The following DAP variants were observed in gnomAD, a reference collection of about 807,000 sequenced individuals.
The protein encoded by DAP is death associated protein.
DAP carries 8 observed loss-of-function variants against 13.8 expected under a neutral mutation model. That is an observed-to-expected ratio of 0.58 (90% CI 0.34 to 1.05). The LOEUF is 1.05. Among genes scored for constraint, DAP ranks in the 50% least tolerant of loss-of-function variants. The probability of loss-of-function intolerance (pLI) is 0.03; values close to 1 mark genes in which losing one functional copy is unlikely to be tolerated. For synonymous variants in DAP, 47 were observed against 47.5 expected (o/e 0.99, Z 0.04); for missense variants, 106 against 133.2 (o/e 0.80, Z 1.01).
rs1740347891 is a variant in DAP at position 10,761,166 on chromosome 5, C to G, written c.-98G>C. 1.0e-5 allele frequency: 7 copies of G among 681,216 alleles called. No homozygotes were observed. Among genetic ancestry groups the G allele is most frequent in the Admixed American group, 1.0e-4 (2 of 19,094 alleles). 42.2% of individuals were successfully genotyped at this position (681,216 alleles called of 1,614,324 possible). A position where few individuals can be genotyped will look rare whatever the true frequency, so the allele number is the denominator to read the frequency against. ...TCAGGTGTGAGCGCCGGGGAGCGAG[C>G]GGGCGGGAGAACGACGCGCGCGCGT... On this transcript the variant is annotated 5_prime_UTR_variant, in exon 1 of 4. Transcript: ENST00000230895.
At chr5:10,703,220 G>GTAAGC (rs1738622889) in intron 2 of DAP, among the ~76,000 whole-genome samples, 2 of 152,224 alleles carry the variant, frequency 1.3e-5, no homozygotes, top group Non-Finnish European at 2.9e-5. Flanking sequence ...GAGCTTACTT[G>GTAAGC]TTGGGACACA....
intron 2 of DAP, among the ~76,000 whole-genome samples, chr5:10,719,141 C>T (rs942703319): frequency 6.6e-6 from 1 of 152,230 alleles, no homozygotes; most frequent in Non-Finnish European, 1.5e-5. Flanking sequence ...GGACAAGTTG[C>T]TGCATTTGGC....
intron 2 of DAP, among the ~76,000 whole-genome samples, chr5:10,727,647 T>C (rs1437854581): frequency 6.6e-6 from 1 of 152,104 alleles, no homozygotes; most frequent in Non-Finnish European, 1.5e-5. Flanking sequence ...AGTAACAAGA[T>C]GGAAAGGGGA....
At chr5:10,752,392 G>C (rs1740068176) in intron 1 of DAP, among the ~76,000 whole-genome samples, 1 of 152,212 alleles carries the variant, frequency 6.6e-6, no homozygotes. Context: ...TTGTATCACT[G>C]TCTCTAGAAC....
At chr5:10,699,941 C>A (rs1311404225) in intron 2 of DAP, among the ~76,000 whole-genome samples, 1 of 152,220 alleles carries the variant, frequency 6.6e-6, no homozygotes, top group African/African-American at 2.4e-5. Context: ...TCTATGTGCC[C>A]TGTTATTCAC....
chr5:10,740,142 A>C (rs933148676), intron 2 of DAP, among the ~76,000 whole-genome samples: 1 of 152,238 alleles, frequency 6.6e-6, no homozygotes, highest in African/African-American at 2.4e-5. Context: ...AGTGGAAATG[A>C]AAAACAGGAT....
intron 2 of DAP, among the ~76,000 whole-genome samples, chr5:10,728,518 G>A (rs548868688): frequency 1.5e-4 from 23 of 152,314 alleles, no homozygotes; most frequent in Admixed American, 1.2e-3. Flanking sequence ...ATAAACGGAT[G>A]TATGGACAAG....
chr5:10,722,458 G>A (rs62338816), intron 2 of DAP, among the ~76,000 whole-genome samples: 9,372 of 151,700 alleles, frequency 0.062, 339 homozygotes, highest in Middle Eastern at 0.082. Context: ...CCTTGTAATT[G>A]TGTAAGTTAA....
chr5:10,695,957 C>T (rs2126642042), intron 2 of DAP, among the ~76,000 whole-genome samples: 1 of 152,082 alleles, frequency 6.6e-6, no homozygotes, highest in African/African-American at 2.4e-5. Context: ...GTGTTCCACA[C>T]TCTGCATGTA....
In DAP at chr5:10,722,473, T is replaced by C. The variant is rs537621021; in HGVS notation, c.152+25702A>G. On this transcript the variant is annotated intron_variant, in intron 2 of 3. Transcript: ENST00000230895. ...CCTTGTAATTGTGTAAGTTAATACT[T>C]AATAAACTCTCTCTCTATATATATA... 2.0e-5 allele frequency among the ~76,000 whole-genome samples: 3 copies of C among 151,864 alleles called. No individual in the cohort carries two copies. The East Asian group carries it at 5.8e-4, about 29-fold the overall frequency.
At chr5:10,692,458 T>C (rs1296376030) in intron 2 of DAP, among the ~76,000 whole-genome samples, 1 of 152,160 alleles carries the variant, frequency 6.6e-6, no homozygotes, top group Non-Finnish European at 1.5e-5. Context: ...CCTGGATGTC[T>C]CCCAGGTGGG....
intron 2 of DAP, among the ~76,000 whole-genome samples, chr5:10,713,538 T>C (rs1336823929): frequency 6.6e-6 from 1 of 152,228 alleles, no homozygotes; most frequent in Admixed American, 6.5e-5. Context: ...CAGGGGTTAC[T>C]GTTTTACCCC....
chr5:10,719,808 C>T (rs937842208), intron 2 of DAP, among the ~76,000 whole-genome samples: 1 of 152,218 alleles, frequency 6.6e-6, no homozygotes, highest in Admixed American at 6.5e-5. Context: ...CTGATGGCCT[C>T]ATGAGGAGTT....
At chr5:10,712,764 C>T (rs1235679215) in intron 2 of DAP, among the ~76,000 whole-genome samples, 1 of 152,222 alleles carries the variant, frequency 6.6e-6, no homozygotes, top group Non-Finnish European at 1.5e-5. Flanking sequence ...CGGGAATGCC[C>T]TTAGCTTCTC....
rs6881964 is a variant in DAP, at chr5:10,686,890, A to C, written c.153-3319T>G. Among the ~76,000 whole-genome samples the C allele has an allele frequency of 2.0e-5, 3 of 152,050 alleles. No individual in the cohort carries two copies. The East Asian group carries it at 5.8e-4, about 29-fold the overall frequency. The stretch of plus-strand genomic sequence containing the variant: ...TGGAAAAAGATGTCATCTAGGACTT[A>C]CACAGCTAGAGAGGGAAGTCAATGA... On this transcript the variant is annotated intron_variant, in intron 2 of 3. Coordinates refer to ENST00000230895, the MANE Select transcript of DAP (RefSeq NM_004394.3).
chr5:10,760,225 G>A (rs1740305865), intron 1 of DAP, among the ~76,000 whole-genome samples: 1 of 152,128 alleles, frequency 6.6e-6, no homozygotes, highest in Non-Finnish European at 1.5e-5. Flanking sequence ...TGAGACCCAA[G>A]GCCTTTGATC....
intron 1 of DAP, among the ~76,000 whole-genome samples, chr5:10,750,430 G>A (rs267941): frequency 0.47 from 71,535 of 151,972 alleles, 18,996 homozygotes; most frequent in Non-Finnish European, 0.6. Flanking sequence ...GGAAAATGAC[G>A]ACTATTTCCT....
In DAP at chr5:10,752,050, A is replaced by G. The variant is rs574210582; in HGVS notation, c.56-3779T>C. ...ATGTGTTCATAAAGTAAAAATAAAAAGAGCTGTGCAACTAACTATAAAGAA... is the reference window on the plus strand; with the variant it reads ...ATGTGTTCATAAAGTAAAAATAAAAGGAGCTGTGCAACTAACTATAAAGAA... On this transcript the variant is annotated intron_variant, in intron 1 of 3. Coordinates refer to ENST00000230895, the MANE Select transcript of DAP (RefSeq NM_004394.3). Among the ~76,000 whole-genome samples the G allele has an allele frequency of 1.5e-4, 23 of 152,380 alleles. No individual in the cohort carries two copies. In the South Asian group the frequency reaches 4.8e-3, roughly 32 times the overall value.
Position 10,693,118 on chromosome 5 carries a change from GCACACGCA to G in DAP, c.153-9555_153-9548del, listed in dbSNP as rs1386877330. On this transcript the variant is annotated intron_variant, in intron 2 of 3. Transcript: ENST00000230895. ...TGAATTCTGGGATGGGGAGAAACAT[GCACACGCA>G]CACACACACACACACACACACACAC... Among the ~76,000 whole-genome samples the G allele has an allele frequency of 7.0e-5, 4 of 57,256 alleles. No homozygotes were observed. In the East Asian group the frequency reaches 1.3e-3, roughly 18 times the overall value. The allele number at this position is 57,256 out of a possible 152,430, so 37.6% of individuals were successfully genotyped here.
Sources: allele counts gnomAD v4.1 joint callset (sites outside exome capture counted in the v4.1 genomes callset), GRCh38; gene constraint gnomAD v4.1.1; transcripts MANE v1.5; gene names NCBI Gene and HGNC (gene_info 2026-07-23, HGNC 2026-07-21).